ENPEP: variants seen among roughly 807,000 people sequenced by gnomAD.
ENPEP encodes AP-A.
In ENPEP, 103 loss-of-function variants were observed where a neutral mutation model predicts 114.5. That is an observed-to-expected ratio of 0.90 (90% CI 0.77 to 1.06). ENPEP has a LOEUF of 1.06. Ranked by LOEUF, ENPEP falls within the 50% of genes least tolerant of loss-of-function variation. The pLI is 0.00. For synonymous variants in ENPEP, 420 were observed against 422.0 expected (o/e 1.00, Z 0.06); for missense variants, 1,196 against 1,161.3 (o/e 1.03, Z -0.43).
chr4:110,550,905 T>G (rs1727264511), intron 17 of ENPEP, among the ~76,000 whole-genome samples: 1 of 151,984 alleles, frequency 6.6e-6, no homozygotes, highest in Admixed American at 6.6e-5. Context: ...TCAGCCTCTT[T>G]CCTCAGGGCT....
At chr4:110,516,869 T>G (rs1016099820) in intron 8 of ENPEP, among the ~76,000 whole-genome samples, 5 of 152,234 alleles carry the variant, frequency 3.3e-5, no homozygotes, top group Non-Finnish European at 7.3e-5. Context: ...TTCTGCATCA[T>G]GAGAACATCT....
chr4:110,536,788 G>A (rs183636994), intron 11 of ENPEP, among the ~76,000 whole-genome samples: 1 of 152,150 alleles, frequency 6.6e-6, no homozygotes, highest in African/African-American at 2.4e-5. Flanking sequence ...CTTTCCTCAT[G>A]ATAATTGGGT....
At chr4:110,533,090 T>C (rs761513975) in intron 11 of ENPEP, 15 of 452,842 alleles carry the variant, frequency 3.3e-5, no homozygotes, top group Non-Finnish European at 6.2e-5. Flanking sequence ...CCATAGTTAA[T>C]TGAGGATTGG....
intron 2 of ENPEP, 140 bp from the exon 3 acceptor site, chr4:110,490,893 C>T (rs1309140478): frequency 3.4e-6 from 3 of 882,166 alleles, no homozygotes; most frequent in East Asian, 2.6e-5. Flanking sequence ...TTCAACATCA[C>T]CACAAACAAT....
At chr4:110,509,094 A>G (rs1161647879) in intron 4 of ENPEP, among the ~76,000 whole-genome samples, 7 of 152,130 alleles carry the variant, frequency 4.6e-5, no homozygotes. Flanking sequence ...ACATTTTAGA[A>G]CTGTAAGGGA....
Position 110,548,319 on chromosome 4 carries a change from T to C in ENPEP, c.2144T>C (p.Met715Thr). 1 of 1,577,722 alleles carries C rather than the reference T, an allele frequency of 6.3e-7. No homozygotes were observed. The highest frequency in any genetic ancestry group is 8.6e-7 in the Non-Finnish European group (1 of 1,163,994). The change falls in exon 14 of 20, where the codon ATG becomes ACG. Residue 715 changes from methionine (M) to threonine (T), a missense_variant. By Grantham distance (81) the Met-to-Thr change is moderately conservative. Coordinates refer to ENST00000265162, the MANE Select transcript of ENPEP (RefSeq NM_001977.4). Reference protein sequence around the residue: ...MFEDDKELYPMIEEYFQGQVK... With the variant: ...MFEDDKELYPTIEEYFQGQVK... ...GAAGATGATAAAGAGCTATATCCTATGATTGAGGTGACGTTAATGCTATGG... is the reference window on the plus strand; with the variant it reads ...GAAGATGATAAAGAGCTATATCCTACGATTGAGGTGACGTTAATGCTATGG...
At chr4:110,508,630 T>C (rs1285350827) in intron 4 of ENPEP, among the ~76,000 whole-genome samples, 1 of 152,102 alleles carries the variant, frequency 6.6e-6, no homozygotes, top group Non-Finnish European at 1.5e-5. Context: ...GCTAACACGG[T>C]GAATCCCCGT....
intron 11 of ENPEP, among the ~76,000 whole-genome samples, chr4:110,535,514 T>G (rs1329963762): frequency 1.3e-5 from 2 of 152,238 alleles, no homozygotes; most frequent in Non-Finnish European, 2.9e-5. Context: ...GAAACTCAAT[T>G]TGTCAGTTCA....
intron 3 of ENPEP, among the ~76,000 whole-genome samples, chr4:110,493,085 T>C (rs1724789561): frequency 6.6e-6 from 1 of 152,162 alleles, no homozygotes; most frequent in African/African-American, 2.4e-5. Flanking sequence ...TTTCTAATAG[T>C]GACAGTGAGC....
At chr4:110,519,397 T>C (rs1725898518) in intron 8 of ENPEP, 1 of 172,314 alleles carries the variant, frequency 5.8e-6, no homozygotes, top group South Asian at 1.4e-4. Context: ...AGCAGGAACT[T>C]AGGAAAGTTT....
chr4:110,502,409 A>C (rs1056157349), intron 3 of ENPEP, among the ~76,000 whole-genome samples: 1 of 152,120 alleles, frequency 6.6e-6, no homozygotes, highest in Admixed American at 6.6e-5. Context: ...TTATAGTTTT[A>C]GGTTTTACAC....
At chr4:110,532,999 A>G (rs2110376402) in intron 11 of ENPEP, 2 of 404,180 alleles carry the variant, frequency 4.9e-6, no homozygotes, top group East Asian at 1.4e-4. Context: ...GGTAAAAGAC[A>G]TAATAAGAAC....
In ENPEP at chr4:110,504,131, G is replaced by A. The variant is rs551779369; in HGVS notation, c.919-2506G>A. Among the ~76,000 whole-genome samples, 15 of 152,288 alleles carry A rather than the reference G, an allele frequency of 9.8e-5. No individual in the cohort carries two copies. The Middle Eastern group carries it at 0.01, about 104-fold the overall frequency. On this transcript the variant is annotated intron_variant, in intron 3 of 19. Coordinates refer to ENST00000265162, the MANE Select transcript of ENPEP (RefSeq NM_001977.4). ...AGGGGAAGGGACCTTGGCAGTTGCT[G>A]TAGCAGAGGGCTTTTCACCGGTCTT...
chr4:110,511,282 T>C (rs1725563772), intron 6 of ENPEP, among the ~76,000 whole-genome samples: 1 of 152,212 alleles, frequency 6.6e-6, no homozygotes, highest in South Asian at 2.1e-4. Context: ...TTTTCAACTA[T>C]GGAACTATTG....
chr4:110,520,797 A>C (rs896730021), intron 10 of ENPEP, among the ~76,000 whole-genome samples: 1 of 152,162 alleles, frequency 6.6e-6, no homozygotes, highest in South Asian at 2.1e-4. Context: ...GGTAAGAGTG[A>C]GAAGTGAGGC....
chr4:110,504,392 C>T (rs754408479), intron 3 of ENPEP, among the ~76,000 whole-genome samples: 1 of 152,140 alleles, frequency 6.6e-6, no homozygotes, highest in African/African-American at 2.4e-5. Context: ...GCAGCAAGGG[C>T]AGTACCATTG....
intron 1 of ENPEP, among the ~76,000 whole-genome samples, chr4:110,487,256 C>G (rs1724540581): frequency 6.6e-6 from 1 of 152,192 alleles, no homozygotes; most frequent in African/African-American, 2.4e-5. Flanking sequence ...GCAGACTGGT[C>G]CCCAGGGAAG....
Position 110,553,299 on chromosome 4 carries a change from G to A in ENPEP, c.2502-16G>A. On this transcript the variant is annotated splice_polypyrimidine_tract_variant and intron_variant, in intron 17 of 19. Coordinates refer to ENST00000265162, the MANE Select transcript of ENPEP (RefSeq NM_001977.4). ...AAAGTTCACTTTGAATTGTTTTTCT[G>A]TTTGGCTTCTCTTAGGTATTTGGAT... is the stretch of plus-strand genomic sequence containing the variant. 1 of 1,543,374 alleles carries A rather than the reference G, an allele frequency of 6.5e-7. No homozygotes were observed. Among genetic ancestry groups the A allele is most frequent in the African/African-American group, 1.4e-5 (1 of 73,492 alleles).
At chr4:110,485,662 A>G (rs1724476247) in intron 1 of ENPEP, among the ~76,000 whole-genome samples, 1 of 152,188 alleles carries the variant, frequency 6.6e-6, no homozygotes, top group Non-Finnish European at 1.5e-5. Context: ...ACTTAGTGTC[A>G]TGCCCTTTTA....
Sources: allele counts gnomAD v4.1 joint callset (sites outside exome capture counted in the v4.1 genomes callset), GRCh38; gene constraint gnomAD v4.1.1; transcripts MANE v1.5; gene names NCBI Gene and HGNC (gene_info 2026-07-23, HGNC 2026-07-21).